FAM240B: variants seen among roughly 807,000 people sequenced by gnomAD.
FAM240B encodes family with sequence similarity 240 member B, also known as protein FAM240B.
intron 1 of FAM240B, among the ~76,000 whole-genome samples, chr9:38,717,531 A>G (rs1821320867): frequency 6.6e-6 from 1 of 152,170 alleles, no homozygotes; most frequent in East Asian, 1.9e-4. Flanking sequence ...CCCAGGCTGG[A>G]GTGCAGTGGC....
intron 1 of FAM240B, among the ~76,000 whole-genome samples, chr9:38,713,094 A>C: frequency 6.6e-6 from 1 of 152,202 alleles, no homozygotes. Flanking sequence ...CTTGCTGACT[A>C]AATCAAATAG....
intron 1 of FAM240B, among the ~76,000 whole-genome samples, chr9:38,717,730 C>T (rs1199455287): frequency 1.3e-5 from 2 of 152,096 alleles, no homozygotes; most frequent in Admixed American, 1.3e-4. Context: ...GATCCGCCCG[C>T]CTCGGCCTCC....
chr9:38,717,368 C>G (rs1264564673), intron 1 of FAM240B, among the ~76,000 whole-genome samples: 3 of 151,958 alleles, frequency 2.0e-5, no homozygotes, highest in Non-Finnish European at 4.4e-5. Context: ...ATCACGAGGT[C>G]AGGAGATCGA....
intron 1 of FAM240B, among the ~76,000 whole-genome samples, chr9:38,709,675 A>T (rs568933561): frequency 6.6e-6 from 1 of 152,220 alleles, no homozygotes; most frequent in Non-Finnish European, 1.5e-5. Flanking sequence ...GTAGGGTTTT[A>T]TTGTCACAGA....
chr9:38,718,510 C>G (rs1821333751), intron 1 of FAM240B, among the ~76,000 whole-genome samples: 2 of 152,128 alleles, frequency 1.3e-5, no homozygotes. Context: ...GAGAACATAT[C>G]TGAATGGACC....
chr9:38,717,665 G>T (rs1000462741), intron 1 of FAM240B, among the ~76,000 whole-genome samples: 3 of 151,838 alleles, frequency 2.0e-5, no homozygotes, highest in Admixed American at 6.6e-5. Context: ...GTATTTTTTA[G>T]TAGAGACGGG....
At chr9:38,718,184 T>G (rs987317366) in intron 1 of FAM240B, among the ~76,000 whole-genome samples, 4 of 152,240 alleles carry the variant, frequency 2.6e-5, no homozygotes, top group Non-Finnish European at 5.9e-5. Context: ...CTAGCATGGA[T>G]GGACATTTGA....
At chr9:38,715,100 G>A (rs1821292784) in intron 1 of FAM240B, among the ~76,000 whole-genome samples, 1 of 152,214 alleles carries the variant, frequency 6.6e-6, no homozygotes, top group Non-Finnish European at 1.5e-5. Context: ...AAAAGCACAT[G>A]CATCTTCCTG....
At chr9:38,715,799 T>TC (rs914401566) in intron 1 of FAM240B, among the ~76,000 whole-genome samples, 54 of 152,260 alleles carry the variant, frequency 3.5e-4, no homozygotes, top group African/African-American at 1.3e-3. Flanking sequence ...ACTTCTGAGT[T>TC]CCCCATGGAC....
At chr9:38,703,672 T>C (rs1277337280) in intron 2 of FAM240B, among the ~76,000 whole-genome samples, 185 bp downstream of exon 2, 1 of 152,184 alleles carries the variant, frequency 6.6e-6, no homozygotes, top group Non-Finnish European at 1.5e-5. Context: ...CAAGTCTTGC[T>C]CCCATTTCCT....
intron 1 of FAM240B, among the ~76,000 whole-genome samples, chr9:38,719,498 A>C (rs568211035): frequency 8.5e-5 from 13 of 152,164 alleles, no homozygotes; most frequent in Non-Finnish European, 1.5e-4. Flanking sequence ...AGTCTATCTG[A>C]TGAGGGGCTA....
chr9:38,713,302 C>T (rs1434051226), intron 1 of FAM240B, among the ~76,000 whole-genome samples: 3 of 151,944 alleles, frequency 2.0e-5, no homozygotes, highest in African/African-American at 7.2e-5. Flanking sequence ...CACGGTGAAA[C>T]CCCATCTCTA....
chr9:38,700,297 T>G (rs1239870509), intron 2 of FAM240B, among the ~76,000 whole-genome samples: 1 of 152,190 alleles, frequency 6.6e-6, no homozygotes, highest in Non-Finnish European at 1.5e-5. Context: ...ATATCCTAAT[T>G]GATACAATTG....
chr9:38,707,521 C>A (rs1038765854), intron 1 of FAM240B, among the ~76,000 whole-genome samples: 4 of 151,298 alleles, frequency 2.6e-5, no homozygotes, highest in Admixed American at 6.6e-5. Flanking sequence ...GTAATCCCAG[C>A]ACTTTGAGAG....
intron 1 of FAM240B, among the ~76,000 whole-genome samples, chr9:38,707,035 C>A (rs973169446): frequency 6.6e-6 from 1 of 152,086 alleles, no homozygotes; most frequent in African/African-American, 2.4e-5. Flanking sequence ...CTTTTAACTG[C>A]GAGGAAGGTG....
chr9:38,713,968 T>G (rs1365774580), intron 1 of FAM240B, among the ~76,000 whole-genome samples: 2 of 152,190 alleles, frequency 1.3e-5, no homozygotes, highest in African/African-American at 2.4e-5. Flanking sequence ...TCACAACTTC[T>G]TATGCAGAGC....
chr9:38,699,949 G>T (rs767085367), intron 2 of FAM240B, among the ~76,000 whole-genome samples: 1 of 152,098 alleles, frequency 6.6e-6, no homozygotes, highest in Non-Finnish European at 1.5e-5. Context: ...CTCCATTCTC[G>T]TAGGCAGGAA....
chr9:38,707,291 A>G (rs1370891500), intron 1 of FAM240B, among the ~76,000 whole-genome samples: 1 of 152,232 alleles, frequency 6.6e-6, no homozygotes, highest in East Asian at 1.9e-4. Context: ...AGGCCCGTGC[A>G]GGAACACAGC....
At chr9:38,700,904 A>G (rs1163849525) in intron 2 of FAM240B, among the ~76,000 whole-genome samples, 1 of 152,148 alleles carries the variant, frequency 6.6e-6, no homozygotes, top group East Asian at 1.9e-4. Flanking sequence ...GAGTCACTGA[A>G]CCCACAGGTG....
Sources: allele counts gnomAD v4.1 joint callset (sites outside exome capture counted in the v4.1 genomes callset), GRCh38; gene constraint gnomAD v4.1.1; transcripts MANE v1.5; gene names NCBI Gene and HGNC (gene_info 2026-07-23, HGNC 2026-07-21).